The following SOCS2 variants were observed in gnomAD, a reference collection of about 807,000 sequenced individuals.
SOCS2 encodes the protein CIS-2.
SOCS2 carries 10 observed loss-of-function variants against 18.6 expected under a neutral mutation model. The ratio of observed to expected loss-of-function variants is 0.54; its 90% confidence interval spans 0.33 to 0.91. The LOEUF (loss-of-function observed/expected upper bound fraction) is 0.91. Ranked by LOEUF, SOCS2 falls within the 40% of genes least tolerant of loss-of-function variation. The pLI, the probability that SOCS2 is intolerant of heterozygous loss-of-function variation, is 0.02. For synonymous variants in SOCS2, 104 were observed against 104.0 expected, an observed-to-expected ratio of 1.00 and a Z score of 0.00; for missense variants, 231 against 247.2, an observed-to-expected ratio of 0.93 and a Z score of 0.44.
chr12:93,618,396 C>T, the SOCS2 span, among the ~76,000 whole-genome samples: 1 of 152,152 alleles, frequency 6.6e-6, no homozygotes, highest in African/African-American at 2.4e-5. Flanking sequence ...TTCCCCCAGG[C>T]CTCCCACCCA....
At chr12:93,612,610 G>A in the SOCS2 span, among the ~76,000 whole-genome samples, 1 of 152,104 alleles carries the variant, frequency 6.6e-6, no homozygotes, top group Admixed American at 6.5e-5. Context: ...ATCTTCCTAG[G>A]GAACCCAACT....
the SOCS2 span, among the ~76,000 whole-genome samples, chr12:93,626,048 A>T: frequency 2.0e-5 from 3 of 152,290 alleles, no homozygotes; most frequent in East Asian, 5.8e-4. Flanking sequence ...CACCACGGCA[A>T]ATCCTCAGCG....
chr12:93,590,904 T>C, the SOCS2 span, among the ~76,000 whole-genome samples: 1 of 151,240 alleles, frequency 6.6e-6, no homozygotes, highest in African/African-American at 2.4e-5. Context: ...AATTAGGTAT[T>C]GTTAGTGAAG....
chr12:93,601,847 C>T, the SOCS2 span, among the ~76,000 whole-genome samples: 1,426 of 152,136 alleles, frequency 9.4e-3, 16 homozygotes, highest in African/African-American at 0.033. Context: ...TTCCTGCTTC[C>T]TATTCCTGTC....
the SOCS2 span, among the ~76,000 whole-genome samples, chr12:93,622,084 G>A: frequency 6.6e-6 from 1 of 152,174 alleles, no homozygotes. Flanking sequence ...TGTTTGGCCT[G>A]CACAATTTTC....
rs1253606931 is a variant in SOCS2, at chr12:93,576,688, G to A, written c.*1509G>A. On this transcript the variant is annotated 3_prime_UTR_variant, in exon 2 of 2. Transcript: ENST00000551556. ...TCCTGTGGTGTGTCACCATAAAGGT[G>A]GACCCTGTGTGAATGAGAAAATTCA... The A allele has an allele frequency of 1.3e-5, 2 of 152,268 alleles. No individual in the cohort carries two copies. Among genetic ancestry groups the A allele is most frequent in the South Asian group, 2.1e-4 (1 of 4,830 alleles). 9.4% of individuals were successfully genotyped at this position (152,268 alleles called of 1,614,324 possible).
upstream of SOCS2, chr12:93,571,749 G>A: frequency 3.1e-6 from 1 of 320,398 alleles, no homozygotes. Flanking sequence ...TTGCATCCCC[G>A]GGCATCTCGT....
the SOCS2 span, among the ~76,000 whole-genome samples, chr12:93,609,355 A>C: frequency 6.6e-6 from 1 of 151,888 alleles, no homozygotes; most frequent in Non-Finnish European, 1.5e-5. Context: ...CTGTGCCATC[A>C]CACTCCAGCC....
upstream of SOCS2, chr12:93,571,864 A>G (rs1281951466): frequency 2.5e-6 from 1 of 406,006 alleles, no homozygotes; most frequent in Non-Finnish European, 4.8e-6. Flanking sequence ...ATGTCCGCTG[A>G]GGAGGCTGCC....
the SOCS2 span, among the ~76,000 whole-genome samples, chr12:93,626,209 C>T: frequency 6.6e-6 from 1 of 152,226 alleles, no homozygotes; most frequent in African/African-American, 2.4e-5. Flanking sequence ...TCCTTGAAGG[C>T]TTCTTAAGGT....
At position 93,582,113 on chromosome 12, in the gene SOCS2, T is replaced by C. The variant is rs918085904; in HGVS notation, c.117-910T>C. Among the ~76,000 whole-genome samples, 4 of 152,156 alleles carry C rather than the reference T, an allele frequency of 2.6e-5. No homozygotes were observed. In the South Asian group the frequency reaches 8.3e-4, roughly 32 times the overall value. On this transcript the variant is annotated intron_variant, in intron 1 of 1. Coordinates refer to the SOCS2 transcript ENST00000549510. ...TGCGGACAGGGTGCCATTGACCTGC[T>C]TTGAGGGTTTATGAAGACAAGCCCC... is the stretch of plus-strand genomic sequence containing the variant.
chr12:93,572,722 C>A lies in SOCS2; in HGVS notation c.-176C>A. 1 of 861,624 alleles carries A rather than the reference C, an allele frequency of 1.2e-6. No individual in the cohort carries two copies. The highest frequency in any genetic ancestry group is 1.9e-6 in the Non-Finnish European group (1 of 530,728). The allele number at this position is 861,624 out of a possible 1,614,324, so 53.4% of individuals were successfully genotyped here. On this transcript the variant is annotated 5_prime_UTR_variant, in exon 1 of 2. Transcript: ENST00000551556. The surrounding 1 kb of genome is among the most constrained non-coding windows in gnomAD (Gnocchi z 5.0). ...TGACCGCGGCTGCGAGGGACTTTGT[C>A]ATCCGTCCTCCAGGATCTGGGGAGA...
intron 1 of SOCS2, 119 bp from the exon 2 acceptor site, chr12:93,574,599 CACCT>C: frequency 1.6e-6 from 1 of 628,228 alleles, no homozygotes; most frequent in Non-Finnish European, 2.5e-6. Context: ...GCTCACACAC[CACCT>C]TTTTTTTTTT....
Position 93,575,070 on chromosome 12 carries a change from T to G in SOCS2, c.488T>G (p.Leu163Arg). Residue 163 changes from leucine (L) to arginine (R), a missense_variant, in exon 2 of 2, where the codon CTG becomes CGG. Coordinates refer to ENST00000551556, the MANE Select transcript of SOCS2 (RefSeq NM_001270471.2). ...TKPLYTSAPSLQHLCRLTINK... is the reference protein window; with the variant it reads ...TKPLYTSAPSRQHLCRLTINK... ...CCGCTCTACACGTCAGCACCATCTC[T>G]GCAGCATCTCTGTAGGCTCACCATT... is the stretch of plus-strand genomic sequence containing the variant. 1 of 1,614,122 alleles carries G rather than the reference T, an allele frequency of 6.2e-7. No homozygotes were observed. Among genetic ancestry groups the G allele is most frequent in the Non-Finnish European group, 8.5e-7 (1 of 1,179,982 alleles).
At chr12:93,595,514 C>T in the SOCS2 span, among the ~76,000 whole-genome samples, 1 of 152,208 alleles carries the variant, frequency 6.6e-6, no homozygotes, top group Non-Finnish European at 1.5e-5. Context: ...GTTTGTGCCC[C>T]TAGAGCTGGA....
chr12:93,576,008 T>C lies in SOCS2; in HGVS notation c.*829T>C, dbSNP rs190289432. ...CCTGTTGCCATTGATTTTTTGGAAA[T>C]GGCTTTAGAAATATCCAAGTTGTCC... is the stretch of plus-strand genomic sequence containing the variant. On this transcript the variant is annotated 3_prime_UTR_variant, in exon 2 of 2. Coordinates refer to ENST00000551556, the MANE Select transcript of SOCS2 (RefSeq NM_001270471.2). The C allele has an allele frequency of 1.6e-4, 25 of 152,800 alleles. No homozygotes were observed. In the East Asian group the frequency reaches 4.0e-3, roughly 25 times the overall value. The allele number at this position is 152,800 out of a possible 1,614,324, so 9.5% of individuals were successfully genotyped here.
the SOCS2 span, among the ~76,000 whole-genome samples, chr12:93,621,090 G>C: frequency 6.6e-6 from 1 of 152,176 alleles, no homozygotes; most frequent in African/African-American, 2.4e-5. Flanking sequence ...TGGCGACCAA[G>C]AGCTGAGCAT....
chr12:93,605,508 T>C, the SOCS2 span, among the ~76,000 whole-genome samples: 1 of 152,224 alleles, frequency 6.6e-6, no homozygotes, highest in African/African-American at 2.4e-5. Context: ...TAATAGTTGT[T>C]GATCCCTGGA....
the SOCS2 span, among the ~76,000 whole-genome samples, chr12:93,589,982 G>A: frequency 0.027 from 4,047 of 152,280 alleles, 138 homozygotes; most frequent in African/African-American, 0.078. Flanking sequence ...GGCCGGGTGT[G>A]GTGGCTCACG....
Sources: gnomAD v4.1 joint callset for allele counts (sites outside exome capture counted in the v4.1 genomes callset) on GRCh38, gnomAD v4.1.1 for gene constraint, Gnocchi (gnomAD v3.1) non-coding constraint, MANE v1.5 for transcripts, NCBI Gene and HGNC (gene_info 2026-07-23, HGNC 2026-07-21) for gene names.